The following ABL1 variants were observed in gnomAD, a reference collection of about 807,000 sequenced individuals.
ABL1 encodes the protein tyrosine-protein kinase ABL1.
A neutral mutation model predicts 94.7 loss-of-function variants in ABL1; 11 were observed. That is an observed-to-expected ratio of 0.12 (90% CI 0.07 to 0.19). The LOEUF (loss-of-function observed/expected upper bound fraction) is 0.19. ABL1 is among the 10% of genes least tolerant of loss of function. The pLI, the probability that ABL1 is intolerant of heterozygous loss-of-function variation, is 1.00. For synonymous variants in ABL1, 656 were observed against 622.4 expected (o/e 1.05, Z -0.80); for missense variants, 1,082 against 1,489.4 (o/e 0.73, Z 4.50).
rs370054458 is a variant in ABL1, at chr9:130,819,773, C to T, written c.137-34291C>T. On this transcript the variant is annotated intron_variant, in intron 1 of 10. Transcript: ENST00000372348. ...GGCCAGGCTGGTGTCAAACTCCTGA[C>T]CTCGTGATCCGCCCGCCTCAGCCTT... Among the ~76,000 whole-genome samples the T allele has an allele frequency of 1.3e-4, 19 of 151,948 alleles. No homozygotes were observed. In the East Asian group the frequency reaches 1.4e-3, roughly 11 times the overall value.
chr9:130,853,950 T>C, intron 1 of ABL1, 114 bp from the exon 2 acceptor site: 2 of 1,077,510 alleles, frequency 1.9e-6, no homozygotes, highest in Non-Finnish European at 2.6e-6. Context: ...AGAAATGAAA[T>C]AGGAATGTGT....
chr9:130,776,383 G>A (rs1832310841), intron 1 of ABL1, among the ~76,000 whole-genome samples: 2 of 152,316 alleles, frequency 1.3e-5, no homozygotes, highest in South Asian at 4.1e-4. Context: ...ATCACCTGAC[G>A]TCAGGCGTTC....
At chr9:130,785,169 G>A (rs946834071) in intron 1 of ABL1, among the ~76,000 whole-genome samples, 7 of 152,238 alleles carry the variant, frequency 4.6e-5, no homozygotes, top group African/African-American at 1.7e-4. Context: ...GAGGGACATG[G>A]CAAGGTCATG....
At chr9:130,746,431 T>C (rs1160877219) in intron 1 of ABL1, among the ~76,000 whole-genome samples, 1 of 151,748 alleles carries the variant, frequency 6.6e-6, no homozygotes, top group Admixed American at 6.6e-5. Context: ...AATAACTTTC[T>C]TCGTGCTATT....
intron 1 of ABL1, among the ~76,000 whole-genome samples, chr9:130,829,549 A>C (rs935532684): frequency 6.8e-6 from 1 of 146,650 alleles, no homozygotes; most frequent in African/African-American, 2.6e-5. Context: ...TGGGTGACAG[A>C]GCGAGACTAC....
intron 1 of ABL1, among the ~76,000 whole-genome samples, chr9:130,820,580 G>T (rs929417538): frequency 6.6e-6 from 1 of 152,174 alleles, no homozygotes; most frequent in Admixed American, 6.5e-5. Context: ...GAGGAGAGGC[G>T]TCAGAGTTGG....
chr9:130,864,886 A>T (rs1040739882), intron 4 of ABL1, among the ~76,000 whole-genome samples: 2 of 152,230 alleles, frequency 1.3e-5, no homozygotes, highest in African/African-American at 4.8e-5. Flanking sequence ...AAATGAAGGA[A>T]GATTCCAAGC....
intron 1 of ABL1, chr9:130,725,026 C>A: frequency 8.4e-6 from 2 of 238,118 alleles, no homozygotes; most frequent in South Asian, 1.0e-4. Context: ...CAACGCTTTT[C>A]AAACGATAAC....
chr9:130,739,833 A>T (rs913984462), intron 1 of ABL1, among the ~76,000 whole-genome samples: 2 of 152,162 alleles, frequency 1.3e-5, no homozygotes, highest in Non-Finnish European at 2.9e-5. Context: ...AGATTACTTG[A>T]GCTCAGGAGT....
intron 3 of ABL1, among the ~76,000 whole-genome samples, chr9:130,855,344 TTAAAA>T (rs1830956914): frequency 6.6e-6 from 1 of 152,214 alleles, no homozygotes; most frequent in African/African-American, 2.4e-5. Flanking sequence ...AGCAAGTTAC[TTAAAA>T]TAGGAGGAAT....
chr9:130,735,498 A>C (rs1831723420), intron 1 of ABL1, among the ~76,000 whole-genome samples: 1 of 149,004 alleles, frequency 6.7e-6, no homozygotes, highest in Admixed American at 6.7e-5. Context: ...TTATCCTTCC[A>C]GTGTTCTTTT....
rs550312485 is a variant in ABL1 at position 130,714,257 on chromosome 9, G to A, written c.-63G>A. On this transcript the variant is annotated 5_prime_UTR_variant, in exon 1 of 11. Transcript: ENST00000372348. ...CCACGTATATGCCATTTCCCTCTACGCTCGCTGACCGTTCTGGAAGATCTT... is the reference window on the plus strand; with the variant it reads ...CCACGTATATGCCATTTCCCTCTACACTCGCTGACCGTTCTGGAAGATCTT... 3.3e-4 allele frequency: 486 copies of A among 1,491,130 alleles called. 5 individuals are homozygous for A. The South Asian group carries it at 6.4e-3, about 20-fold the overall frequency. 92.4% of individuals were successfully genotyped at this position (1,491,130 alleles called of 1,614,324 possible). A position where few individuals can be genotyped will look rare whatever the true frequency, so the allele number is the denominator to read the frequency against.
chr9:130,810,271 G>C (rs1830189830), intron 1 of ABL1, among the ~76,000 whole-genome samples: 1 of 152,202 alleles, frequency 6.6e-6, no homozygotes, highest in Non-Finnish European at 1.5e-5. Flanking sequence ...CAAGGTAGGT[G>C]GATCACCTGA....
intron 1 of ABL1, among the ~76,000 whole-genome samples, chr9:130,781,652 A>T (rs558819836): frequency 6.6e-6 from 1 of 152,190 alleles, no homozygotes; most frequent in Non-Finnish European, 1.5e-5. Context: ...ATTTGAAAAT[A>T]TGTCTTTTAT....
chr9:130,822,436 C>G (rs986999454), intron 1 of ABL1, among the ~76,000 whole-genome samples: 2 of 147,058 alleles, frequency 1.4e-5, no homozygotes, highest in African/African-American at 5.1e-5. Context: ...ATCCCCGCCC[C>G]TGCTTTTTTT....
At chr9:130,735,961 A>ATATATATATATATATTTT (rs573602038) in intron 1 of ABL1, among the ~76,000 whole-genome samples, 9 of 94,848 alleles carry the variant, frequency 9.5e-5, no homozygotes, top group East Asian at 8.2e-4. Context: ...ATATATATAT[A>ATATATATATATATATTTT]TTTTTTTTTT....
rs150242755 is a variant in ABL1, at chr9:130,735,028, T to A, written c.136+20573T>A. 4.3e-3 allele frequency among the ~76,000 whole-genome samples: 657 copies of A among 152,186 alleles called. 2 individuals carry two copies. Among genetic ancestry groups the A allele is most frequent in the African/African-American group, 0.014 (601 of 41,500 alleles). On this transcript the variant is annotated intron_variant, in intron 1 of 10. Transcript: ENST00000372348. ...GATTTATTTTAAAATTAAATTGAAC[T>A]TTTTTTGTTGTGTTTTTTTGAGATA...
intron 1 of ABL1, among the ~76,000 whole-genome samples, chr9:130,850,758 C>T (rs1318761884): frequency 6.6e-6 from 1 of 152,018 alleles, no homozygotes; most frequent in Non-Finnish European, 1.5e-5. Flanking sequence ...CTGCCTGCCT[C>T]GGCCTCCCAA....
intron 8 of ABL1, among the ~76,000 whole-genome samples, chr9:130,879,195 G>A (rs1831409194): frequency 6.6e-6 from 1 of 152,192 alleles, no homozygotes. Flanking sequence ...ATTTTTATCT[G>A]GTCGTTTTAT....
Sources: allele counts gnomAD v4.1 joint callset (sites outside exome capture counted in the v4.1 genomes callset), GRCh38; gene constraint gnomAD v4.1.1; transcripts MANE v1.5; gene names NCBI Gene and HGNC (gene_info 2026-07-23, HGNC 2026-07-21).